Variants in TPP1 observed in about 807,000 individuals in gnomAD.
TPP1 encodes tripeptidyl peptidase 1.
A neutral mutation model predicts 67.6 loss-of-function variants in TPP1; 43 were observed. That is an observed-to-expected ratio of 0.64 (90% CI 0.50 to 0.82). TPP1 has a LOEUF of 0.82. Among genes scored for constraint, TPP1 ranks in the 40% least tolerant of loss-of-function variants. The pLI, the probability that TPP1 is intolerant of heterozygous loss-of-function variation, is 0.00. For missense variants in TPP1, 671 were observed against 710.9 expected (o/e 0.94, Z 0.64); for synonymous variants, 272 against 281.5 (o/e 0.97, Z 0.34).
At chr11:6,615,584 TG>T in intron 9 of TPP1, 22 bp from the exon 10 acceptor site, 1 of 1,613,776 alleles carries the variant, frequency 6.2e-7, no homozygotes, top group Non-Finnish European at 8.5e-7. Flanking sequence ...AGACAGCATT[TG>T]GATAGTAGGG....
intron 9 of TPP1, chr11:6,615,801 A>G: frequency 1.3e-6 from 1 of 786,532 alleles, no homozygotes; most frequent in Non-Finnish European, 2.1e-6. Flanking sequence ...ACTGACGAAA[A>G]GGAACAATGG....
Position 6,617,378 on chromosome 11 carries a change from C to T in TPP1, c.431G>A (p.Gly144Glu), listed in dbSNP as rs1367914404. Residue 144 changes from glycine (G) to glutamate (E), a missense_variant, in exon 5 of 13, where the codon GGA (glycine) becomes GAA (glutamate). By Grantham distance (98) the Gly-to-Glu change is moderately conservative. Transcript: ENST00000299427. ...PGAEFHHYVG[G>E]PTETHVVRSP... ...CCTTACAACATGGGTTTCCGTAGGT[C>T]CTCCCACATAGTGATGAAACTCAGC... The T allele has an allele frequency of 2.2e-5, 36 of 1,614,014 alleles. No homozygotes were observed. Among genetic ancestry groups the T allele is most frequent in the Non-Finnish European group, 3.0e-5 (35 of 1,180,032 alleles).
Position 6,619,202 on chromosome 11 carries a change from C to T in TPP1, c.83G>A (p.Arg28Gln), listed in dbSNP as rs369126677. Residue 28 changes from arginine to glutamine, a missense_variant, in exon 2 of 13, where the codon CGG becomes CAG. Transcript: ENST00000299427. ...CTGTGCTAAGTCAACTCACGTCCTCCGCTGGTCGGGCTCCGGGCTGTAACT... is the reference window on the plus strand; with the variant it reads ...CTGTGCTAAGTCAACTCACGTCCTCTGCTGGTCGGGCTCCGGGCTGTAACT... The part of the protein sequence containing the change: ...KCSYSPEPDQ[R>Q]RTLPPGWVSL... The T allele has an allele frequency of 6.0e-5, 97 of 1,614,022 alleles. No homozygotes were observed. The highest frequency in any genetic ancestry group is 1.6e-4 in the Middle Eastern group (1 of 6,080).
rs1554901936 is a variant in TPP1 at position 6,616,993 on chromosome 11, G to A, written c.669C>T (p.Asn223=). The change falls in exon 6 of 13, where the codon AAC becomes AAT. Residue 223 remains asparagine, a synonymous_variant. Transcript: ENST00000299427. ...GGCTCACCTGGGCACAGGCTTGGCT[G>A]TTATTGCTGGTGCCAGAGCCCACGT... The part of the protein sequence containing the change: ...SQDVGSGTSN[N]SQACAQFLEQ... 2 of 1,614,160 alleles carry A rather than the reference G, an allele frequency of 1.2e-6. No homozygotes were observed. Among genetic ancestry groups the A allele is most frequent in the Admixed American group, 1.7e-5 (1 of 60,020 alleles).
rs983295179 is a variant in TPP1, at chr11:6,618,035, T to A, written c.230-259A>T. 6 of 556,694 alleles carry A rather than the reference T, an allele frequency of 1.1e-5. No individual in the cohort carries two copies. In the East Asian group the frequency reaches 1.9e-4, roughly 18 times the overall value. The allele number at this position is 556,694 out of a possible 1,614,324, so 34.5% of individuals were successfully genotyped here. Reference sequence around the variant, plus strand: ...CGCACCACAGCATGTATTGCCATGATCATGAAAATGAATGAGGTTAATACA... The same window carrying A: ...CGCACCACAGCATGTATTGCCATGAACATGAAAATGAATGAGGTTAATACA... On this transcript the variant is annotated intron_variant, in intron 3 of 12. Transcript: ENST00000299427.
rs776302678 is a variant in TPP1, at chr11:6,615,174, G to C, written c.1422C>G (p.Thr474=). The C allele has an allele frequency of 6.2e-7, 1 of 1,614,172 alleles. No homozygotes were observed. The highest frequency in any genetic ancestry group is 1.1e-5 in the South Asian group (1 of 91,082). The part of the protein sequence containing the change: ...NRVPIPWVSG[T]SASTPVFGGI... ...TTGGAGATGGGCTGATTCTCACCGA[G>C]GTTCCGGACACCCATGGAATGGGCA... The change falls in exon 11 of 13, where the codon ACC becomes ACG. Residue 474 remains threonine (T), a synonymous_variant. Coordinates refer to ENST00000299427, the MANE Select transcript of TPP1 (RefSeq NM_000391.4).
intron 9 of TPP1, 187 bp from the exon 10 acceptor site, chr11:6,615,749 T>C: frequency 1.2e-6 from 1 of 818,400 alleles, no homozygotes; most frequent in Non-Finnish European, 2.0e-6. Context: ...CACACTTTTC[T>C]CTACAGAACA....
intron 2 of TPP1, 121 bp downstream of exon 2, chr11:6,619,075 A>G: frequency 6.8e-7 from 1 of 1,468,860 alleles, no homozygotes; most frequent in Non-Finnish European, 9.4e-7. Flanking sequence ...CTAGGAACAT[A>G]GAGATGAAGC....
chr11:6,617,187 T>C lies in TPP1; in HGVS notation c.509-34A>G, dbSNP rs776287249. On this transcript the variant is annotated intron_variant, in intron 5 of 12. Transcript: ENST00000299427. ...AGAAGTCAGGCTTGAGGAGATCTTA[T>C]AGACTGTAATGCCCACCTTACAACT... 2.2e-5 allele frequency: 35 copies of C among 1,613,846 alleles called. No homozygotes were observed. In the Middle Eastern group the frequency reaches 6.6e-4, roughly 30 times the overall value.
At position 6,618,819 on chromosome 11, in the gene TPP1, C is replaced by T. The variant is rs1310417118; in HGVS notation, c.186G>A (p.Ser62=). ...GATCCGACACAGCCTGCACCAGCTC[C>T]GAGAGTCTTTCCACATTCTGCTGTC... ...ALRQQNVERL[S]ELVQAVSDPS... Residue 62 remains serine (S), a synonymous_variant, in exon 3 of 13, where the codon TCG becomes TCA. Transcript: ENST00000299427. 3.1e-6 allele frequency: 5 copies of T among 1,614,024 alleles called. No individual in the cohort carries two copies. The highest frequency in any genetic ancestry group is 4.2e-6 in the Non-Finnish European group (5 of 1,180,032).
chr11:6,617,800 T>G (rs1237875949), intron 3 of TPP1, 24 bp from the exon 4 acceptor site: 2 of 1,614,024 alleles, frequency 1.2e-6, no homozygotes, highest in Non-Finnish European at 1.7e-6. Context: ...GAAGAGGCAC[T>G]TGCCCTCATT....
intron 3 of TPP1, 90 bp from the exon 4 acceptor site, chr11:6,617,866 C>G (rs1855610715): frequency 6.3e-7 from 1 of 1,579,584 alleles, no homozygotes; most frequent in Non-Finnish European, 8.7e-7. Context: ...TCAGGACTTC[C>G]CAAAGCCTGG....
intron 10 of TPP1, 31 bp from the exon 11 acceptor site, chr11:6,615,360 T>A: frequency 6.2e-7 from 1 of 1,614,146 alleles, no homozygotes; most frequent in Non-Finnish European, 8.5e-7. Flanking sequence ...AGTATTGGCA[T>A]GTGGCCTGCC....
intron 12 of TPP1, 74 bp from the exon 13 acceptor site, chr11:6,614,760 C>T: frequency 6.2e-7 from 1 of 1,613,864 alleles, no homozygotes; most frequent in Non-Finnish European, 8.5e-7. Context: ...TCACCCTGTA[C>T]TCACATTTCA....
chr11:6,619,382 A>T lies in TPP1; in HGVS notation c.17+2T>A. On this transcript the variant is annotated splice_donor_variant, in intron 1 of 12. Transcript: ENST00000299427. LOFTEE classifies it high-confidence loss of function. ...TTCTCCCGAGCCCTCTCAATTTCTC[A>T]CCAGGCTTGGAGTCCCATTCTGCCC... The T allele has an allele frequency of 6.2e-7, 1 of 1,613,500 alleles. No homozygotes were observed. The highest frequency in any genetic ancestry group is 8.5e-7 in the Non-Finnish European group (1 of 1,179,504).
chr11:6,618,455 A>T (rs1855618727), intron 3 of TPP1: 1 of 558,092 alleles, frequency 1.8e-6, no homozygotes, highest in South Asian at 2.1e-5. Context: ...GACGGCAAGA[A>T]GGAGATTAAT....
chr11:6,617,480 T>A, intron 4 of TPP1, 52 bp from the exon 5 acceptor site: 1 of 1,613,802 alleles, frequency 6.2e-7, no homozygotes, highest in Non-Finnish European at 8.5e-7. Context: ...CAGAAGAAGC[T>A]ACCTCTGAGC....
rs777446079 is a variant in TPP1, at chr11:6,618,095, C to T, written c.230-319G>A. The T allele has an allele frequency of 1.3e-4, 52 of 406,162 alleles. 1 individual carries two copies. The highest frequency in any genetic ancestry group is 6.2e-4 in the Admixed American group (16 of 25,720). The allele number at this position is 406,162 out of a possible 1,614,324, so 25.2% of individuals were successfully genotyped here. On this transcript the variant is annotated intron_variant, in intron 3 of 12. Transcript: ENST00000299427. ...TCCATTTTAATTTTAAGCTTATGTC[C>T]GGTAAATGTTTTCAAATCTTTCGGT... is the stretch of plus-strand genomic sequence containing the variant.
In TPP1 at chr11:6,617,675, A is replaced by G; in HGVS notation, c.331T>C (p.Cys111Arg). ...AAGTCCTGTGTGATCACAGAATGGC[A>G]CTTCTGGGCTCCGGCTGCCAAGAGC... is the stretch of plus-strand genomic sequence containing the variant. ...KWLLAAGAQK[C>R]HSVITQDFLT... is the part of the protein sequence containing the mutation. The change falls in exon 4 of 13, where the codon TGC becomes CGC. Residue 111 changes from cysteine to arginine, a missense_variant. Cys to Arg is a radical substitution (Grantham distance 180). Coordinates refer to ENST00000299427, the MANE Select transcript of TPP1 (RefSeq NM_000391.4). 6.2e-7 allele frequency: 1 copy of G among 1,614,140 alleles called. No homozygotes were observed. Among genetic ancestry groups the G allele is most frequent in the Non-Finnish European group, 8.5e-7 (1 of 1,180,026 alleles).
Sources: gnomAD v4.1 joint callset for allele counts on GRCh38, gnomAD v4.1.1 for gene constraint, MANE v1.5 for transcripts, NCBI Gene and HGNC (gene_info 2026-07-23, HGNC 2026-07-21) for gene names.